Variants in PPFIA2 observed in about 807,000 individuals in gnomAD.
PPFIA2 encodes the protein liprin-alpha-2.
A neutral mutation model predicts 175.5 loss-of-function variants in PPFIA2; 46 were observed. The observed-to-expected ratio is 0.26, with a 90% CI of 0.21 to 0.34. The LOEUF (loss-of-function observed/expected upper bound fraction) is 0.34, where lower values mean the gene tolerates loss of function less well. Ranked by LOEUF, PPFIA2 falls within the 10% of genes least tolerant of loss-of-function variation. The probability of loss-of-function intolerance (pLI) is 1.00; values close to 1 mark genes in which losing one functional copy is unlikely to be tolerated. For synonymous variants in PPFIA2, 568 were observed against 511.4 expected, an observed-to-expected ratio of 1.11 and a Z score of -1.49; for missense variants, 1,179 against 1,506.1, an observed-to-expected ratio of 0.78 and a Z score of 3.60.
intron 4 of PPFIA2, among the ~76,000 whole-genome samples, chr12:81,655,114 G>A (rs1419007225): frequency 2.6e-5 from 4 of 151,772 alleles, no homozygotes; most frequent in East Asian, 1.9e-4. Context: ...TGAAAATATC[G>A]TCTTATCTTT....
chr12:81,596,478 T>C (rs1293572401), intron 4 of PPFIA2, among the ~76,000 whole-genome samples: 1 of 152,114 alleles, frequency 6.6e-6, no homozygotes, highest in African/African-American at 2.4e-5. Flanking sequence ...TACAAGAATA[T>C]GTTATTATCG....
intron 4 of PPFIA2, among the ~76,000 whole-genome samples, chr12:81,566,145 A>G (rs1018281252): frequency 6.6e-6 from 1 of 152,198 alleles, no homozygotes; most frequent in African/African-American, 2.4e-5. Flanking sequence ...ATTTTTCTTC[A>G]GAGTTAGAAT....
In PPFIA2 at chr12:81,432,752, C is replaced by T. The variant is rs145453957; in HGVS notation, c.645+7220G>A. On this transcript the variant is annotated intron_variant, in intron 7 of 32. Transcript: ENST00000549396. ...GATTACAGGCGTGAGCCACTACGCC[C>T]GGCTAGAACTAACTATTTACAAATA... is the stretch of plus-strand genomic sequence containing the variant. 2.7e-4 allele frequency among the ~76,000 whole-genome samples: 41 copies of T among 152,124 alleles called. 1 individual carries two copies. Among genetic ancestry groups the T allele is most frequent in the East Asian group, 1.7e-3 (9 of 5,158 alleles).
chr12:81,296,754 T>A (rs563053440), intron 23 of PPFIA2: 9 of 151,512 alleles, frequency 5.9e-5, no homozygotes, highest in Admixed American at 5.9e-4. Flanking sequence ...GAGCCCTAAT[T>A]CCTTTCCAGT....
chr12:81,515,549 C>G (rs2062323494), intron 4 of PPFIA2, among the ~76,000 whole-genome samples: 1 of 152,012 alleles, frequency 6.6e-6, no homozygotes, highest in Non-Finnish European at 1.5e-5. Context: ...TCTTCAACTA[C>G]TCTGATGGCC....
intron 28 of PPFIA2, among the ~76,000 whole-genome samples, chr12:81,272,672 C>T (rs1231326342): frequency 6.6e-6 from 1 of 151,962 alleles, no homozygotes; most frequent in African/African-American, 2.4e-5. Flanking sequence ...TCATTTTGGC[C>T]ATTATCTGAC....
chr12:81,480,616 T>C (rs1417286731), intron 4 of PPFIA2, among the ~76,000 whole-genome samples: 1 of 152,190 alleles, frequency 6.6e-6, no homozygotes. Context: ...TTTTTGTTGA[T>C]GTTGATGCTC....
intron 4 of PPFIA2, among the ~76,000 whole-genome samples, chr12:81,494,789 TTGTAGGGACATGGA>T (rs1164500129): frequency 6.6e-6 from 1 of 151,700 alleles, no homozygotes; most frequent in African/African-American, 2.4e-5. Flanking sequence ...TCCATGTCCT[TTGTAGGGACATGGA>T]TGAAATTGGA....
intron 4 of PPFIA2, among the ~76,000 whole-genome samples, chr12:81,468,628 A>G (rs368451777): frequency 1.3e-5 from 2 of 152,218 alleles, no homozygotes; most frequent in African/African-American, 2.4e-5. Flanking sequence ...CTAACTCTAA[A>G]CAAAACAAAA....
At chr12:81,679,040 A>C (rs1430738274) in intron 3 of PPFIA2, among the ~76,000 whole-genome samples, 1 of 151,922 alleles carries the variant, frequency 6.6e-6, no homozygotes, top group Non-Finnish European at 1.5e-5. Flanking sequence ...CAAAGCATCA[A>C]ACACATGTAT....
At chr12:81,757,341 A>G (rs2084848432) in intron 2 of PPFIA2, among the ~76,000 whole-genome samples, 1 of 152,168 alleles carries the variant, frequency 6.6e-6, no homozygotes, top group East Asian at 1.9e-4. Flanking sequence ...TAATTTCTGA[A>G]AAGCCAGAAA....
intron 4 of PPFIA2, among the ~76,000 whole-genome samples, chr12:81,524,202 G>A (rs780144590): frequency 6.6e-6 from 1 of 152,172 alleles, no homozygotes; most frequent in Non-Finnish European, 1.5e-5. Context: ...CCATAGGGTT[G>A]GTTCTACCCT....
At chr12:81,682,314 G>A (rs1299375502) in intron 3 of PPFIA2, among the ~76,000 whole-genome samples, 5 of 151,978 alleles carry the variant, frequency 3.3e-5, no homozygotes, top group Admixed American at 2.0e-4. Flanking sequence ...ACCCTCAGAA[G>A]AAATAAAATC....
At chr12:81,650,078 T>C (rs564476343) in intron 4 of PPFIA2, among the ~76,000 whole-genome samples, 4 of 152,166 alleles carry the variant, frequency 2.6e-5, no homozygotes, top group South Asian at 2.1e-4. Flanking sequence ...GGTGCGATCT[T>C]GGCTCACTGC....
chr12:81,672,645 T>G (rs2071650200), intron 4 of PPFIA2, among the ~76,000 whole-genome samples: 1 of 152,016 alleles, frequency 6.6e-6, no homozygotes, highest in African/African-American at 2.4e-5. Flanking sequence ...TTTAAAAGTA[T>G]TAAGTTCTAT....
At chr12:81,566,353 C>G (rs1322276573) in intron 4 of PPFIA2, among the ~76,000 whole-genome samples, 2 of 151,884 alleles carry the variant, frequency 1.3e-5, no homozygotes, top group Non-Finnish European at 2.9e-5. Flanking sequence ...AAAACCCCAT[C>G]TGTACTAAGA....
At chr12:81,639,702 T>A (rs920914255) in intron 4 of PPFIA2, among the ~76,000 whole-genome samples, 1 of 152,174 alleles carries the variant, frequency 6.6e-6, no homozygotes, top group African/African-American at 2.4e-5. Flanking sequence ...ATAAACAATA[T>A]CATCTTTCAC....
At chr12:81,712,220 T>C (rs2078028492) in intron 3 of PPFIA2, among the ~76,000 whole-genome samples, 1 of 151,342 alleles carries the variant, frequency 6.6e-6, no homozygotes, top group Non-Finnish European at 1.5e-5. Flanking sequence ...CACATAACAT[T>C]GGTCTCATTT....
chr12:81,734,165 C>T (rs930261789), intron 3 of PPFIA2, among the ~76,000 whole-genome samples: 16 of 151,878 alleles, frequency 1.1e-4, no homozygotes, highest in African/African-American at 3.9e-4. Flanking sequence ...GTGATAGGTG[C>T]TGTGGAGCTC....
Sources: allele counts gnomAD v4.1 joint callset (sites outside exome capture counted in the v4.1 genomes callset), GRCh38; gene constraint gnomAD v4.1.1; transcripts MANE v1.5; gene names NCBI Gene and HGNC (gene_info 2026-07-23, HGNC 2026-07-21).